CSMD1: variants seen among roughly 807,000 people sequenced by gnomAD.
CSMD1 encodes the protein CUB and sushi domain-containing protein 1.
In CSMD1, 213 loss-of-function variants were observed where a neutral mutation model predicts 417.5. The ratio of observed to expected loss-of-function variants is 0.51; its 90% CI spans 0.46 to 0.57. The LOEUF is 0.57. Among genes scored for constraint, CSMD1 ranks in the 20% least tolerant of loss-of-function variants. The pLI, the probability that CSMD1 is intolerant of heterozygous loss-of-function variation, is 0.00. For synonymous variants in CSMD1, 2,862 were observed against 1,736.8 expected (o/e 1.65, Z -16.11); for missense variants, 6,923 against 4,529.7 (o/e 1.53, Z -15.17).
intron 1 of CSMD1, among the ~76,000 whole-genome samples, chr8:4,673,673 C>A (rs1295897792): frequency 1.3e-5 from 2 of 152,126 alleles, no homozygotes; most frequent in African/African-American, 4.8e-5. Flanking sequence ...TCTGCTAATG[C>A]TTCCTCAACA....
chr8:4,101,019 G>A (rs1801277195), intron 3 of CSMD1, among the ~76,000 whole-genome samples: 1 of 152,124 alleles, frequency 6.6e-6, no homozygotes, highest in Non-Finnish European at 1.5e-5. Flanking sequence ...CCCAATCCAC[G>A]CAGCCTGTGA....
At chr8:3,643,478 G>A (rs1188050789) in intron 7 of CSMD1, among the ~76,000 whole-genome samples, 1 of 151,818 alleles carries the variant, frequency 6.6e-6, no homozygotes, top group East Asian at 1.9e-4. Context: ...CGAGGTAGGC[G>A]GATCACAAGG....
chr8:4,964,720 A>C (rs568593170), intron 1 of CSMD1, among the ~76,000 whole-genome samples: 2 of 152,146 alleles, frequency 1.3e-5, no homozygotes, highest in Non-Finnish European at 2.9e-5. Context: ...TCACTAAGCC[A>C]AACTGAAAAA....
intron 3 of CSMD1, among the ~76,000 whole-genome samples, chr8:4,182,745 A>AT (rs199689472): frequency 0.025 from 3,763 of 150,710 alleles, 155 homozygotes; most frequent in African/African-American, 0.086. Context: ...ATGGAACATC[A>AT]TTTTTTTTTC....
At chr8:4,588,245 G>C in intron 2 of CSMD1, among the ~76,000 whole-genome samples, 1 of 152,012 alleles carries the variant, frequency 6.6e-6, no homozygotes, top group South Asian at 2.1e-4. Context: ...CTCAATGGCC[G>C]TCAGAAGACA....
chr8:4,141,601 T>G (rs1264241647), intron 3 of CSMD1, among the ~76,000 whole-genome samples: 2 of 150,692 alleles, frequency 1.3e-5, no homozygotes, highest in Non-Finnish European at 2.9e-5. Flanking sequence ...AGAAATGGAG[T>G]TGTAACGATT....
At chr8:3,203,410 T>C (rs918664775) in intron 31 of CSMD1, among the ~76,000 whole-genome samples, 1 of 152,102 alleles carries the variant, frequency 6.6e-6, no homozygotes, top group Non-Finnish European at 1.5e-5. Flanking sequence ...ATCATGAGAA[T>C]GTGATGAGAA....
chr8:3,510,663 A>C (rs1328080089), intron 10 of CSMD1, among the ~76,000 whole-genome samples: 2 of 116,050 alleles, frequency 1.7e-5, no homozygotes, highest in African/African-American at 6.8e-5. Flanking sequence ...AGATTATGTA[A>C]GATATAGAGG....
At chr8:3,464,404 C>T (rs1816685655) in intron 12 of CSMD1, among the ~76,000 whole-genome samples, 1 of 152,006 alleles carries the variant, frequency 6.6e-6, no homozygotes, top group African/African-American at 2.4e-5. Flanking sequence ...TTCAATTGAG[C>T]ATAGGGATTT....
At chr8:3,329,655 A>C (rs1035656151) in intron 23 of CSMD1, among the ~76,000 whole-genome samples, 1 of 152,168 alleles carries the variant, frequency 6.6e-6, no homozygotes, top group Non-Finnish European at 1.5e-5. Context: ...GCCTGCCATC[A>C]AAAGTAAAGC....
chr8:4,209,630 T>A (rs936515137), intron 3 of CSMD1, among the ~76,000 whole-genome samples: 3 of 152,078 alleles, frequency 2.0e-5, no homozygotes, highest in African/African-American at 7.2e-5. Flanking sequence ...GCCCCCGAAT[T>A]GGGGCTTAGC....
chr8:4,587,772 A>G (rs1262886471), intron 2 of CSMD1, among the ~76,000 whole-genome samples: 3 of 152,220 alleles, frequency 2.0e-5, no homozygotes, highest in African/African-American at 4.8e-5. Flanking sequence ...TGCTAACACA[A>G]GCACTTTTCA....
chr8:3,221,636 A>G (rs868446586), intron 28 of CSMD1, among the ~76,000 whole-genome samples: 2 of 151,894 alleles, frequency 1.3e-5, no homozygotes, highest in African/African-American at 4.8e-5. Flanking sequence ...AGTGAAATTT[A>G]TAACTAATTT....
chr8:3,029,243 A>G (rs1439135672), intron 51 of CSMD1, 76 bp downstream of exon 51: 10 of 1,201,338 alleles, frequency 8.3e-6, no homozygotes, highest in East Asian at 2.4e-5. Flanking sequence ...CCACTAGAGA[A>G]GCTCACCACT....
chr8:4,411,718 G>A (rs1796658151), intron 3 of CSMD1, among the ~76,000 whole-genome samples: 1 of 152,024 alleles, frequency 6.6e-6, no homozygotes, highest in South Asian at 2.1e-4. Context: ...ATATATATGT[G>A]TGCTATGTAT....
chr8:3,884,009 G>C (rs1360525805), intron 5 of CSMD1, among the ~76,000 whole-genome samples: 1 of 152,116 alleles, frequency 6.6e-6, no homozygotes, highest in Non-Finnish European at 1.5e-5. Context: ...GTCAGAATTT[G>C]CTAAATATTT....
At chr8:4,134,804 T>A (rs1489957775) in intron 3 of CSMD1, among the ~76,000 whole-genome samples, 1 of 152,218 alleles carries the variant, frequency 6.6e-6, no homozygotes. Context: ...TGATTTATTT[T>A]AACACAAATT....
At chr8:4,271,423 G>T (rs1804588397) in intron 3 of CSMD1, among the ~76,000 whole-genome samples, 1 of 152,116 alleles carries the variant, frequency 6.6e-6, no homozygotes, top group South Asian at 2.1e-4. Flanking sequence ...TGTTTGAAAT[G>T]TTGTAGGAGA....
intron 3 of CSMD1, among the ~76,000 whole-genome samples, chr8:4,081,301 T>G (rs1211764225): frequency 1.3e-5 from 2 of 152,180 alleles, no homozygotes; most frequent in East Asian, 3.9e-4. Flanking sequence ...GCAGGTAAGC[T>G]CTATGGTCCC....
Sources: gnomAD v4.1 joint callset for allele counts (sites outside exome capture counted in the v4.1 genomes callset) on GRCh38, gnomAD v4.1.1 for gene constraint, MANE v1.5 for transcripts, NCBI Gene and HGNC (gene_info 2026-07-23, HGNC 2026-07-21) for gene names.